UBTD2: variants seen among roughly 807,000 people sequenced by gnomAD.
The protein encoded by UBTD2 is ubiquitin domain containing 2, also known as ubiquitin domain-containing protein 2.
UBTD2 carries 9 observed loss-of-function variants against 19.8 expected under a neutral mutation model. That is an observed-to-expected ratio of 0.46 (90% confidence interval 0.27 to 0.79). UBTD2 has a LOEUF of 0.79. UBTD2 is among the 30% of genes least tolerant of loss of function. The probability of loss-of-function intolerance (pLI) is 0.14; values close to 1 mark genes in which losing one functional copy is unlikely to be tolerated. For missense variants in UBTD2, 250 were observed against 300.4 expected (o/e 0.83, Z 1.24); for synonymous variants, 98 against 103.9 (o/e 0.94, Z 0.35).
At chr5:172,219,445 C>A (rs1370236290) in intron 2 of UBTD2, among the ~76,000 whole-genome samples, 1 of 152,174 alleles carries the variant, frequency 6.6e-6, no homozygotes, top group Non-Finnish European at 1.5e-5. Flanking sequence ...TGGCCTGGGA[C>A]ATGAATCAAC....
At position 172,232,511 on chromosome 5, in the gene UBTD2, G is replaced by A. The variant is rs371912662; in HGVS notation, c.307+1611C>T. 5.3e-5 allele frequency among the ~76,000 whole-genome samples: 8 copies of A among 152,182 alleles called. No individual in the cohort carries two copies. In the South Asian group the frequency reaches 1.7e-3, roughly 32 times the overall value. On this transcript the variant is annotated intron_variant, in intron 2 of 2. Transcript: ENST00000393792. ...TAAAAAAAAGGAATGTTTCTTGGAA[G>A]CACAATTAATCAGAAAACTAATGGT...
chr5:172,247,639 A>G (rs1754907176), intron 1 of UBTD2, among the ~76,000 whole-genome samples: 2 of 152,236 alleles, frequency 1.3e-5, no homozygotes, highest in South Asian at 4.1e-4. Context: ...TAAAGTGTCA[A>G]TTCATCAGAA....
At chr5:172,219,356 A>C (rs1771608952) in intron 2 of UBTD2, among the ~76,000 whole-genome samples, 1 of 152,234 alleles carries the variant, frequency 6.6e-6, no homozygotes, top group African/African-American at 2.4e-5. Flanking sequence ...GGAAAAATCC[A>C]GAATCACACA....
intron 1 of UBTD2, among the ~76,000 whole-genome samples, chr5:172,267,465 T>C (rs561565701): frequency 9.3e-4 from 141 of 152,236 alleles, no homozygotes; most frequent in Admixed American, 3.0e-3. Flanking sequence ...ATTAACACAG[T>C]ACATGGATGT....
Position 172,234,229 on chromosome 5 carries a change from C to T in UBTD2, c.200G>A (p.Arg67Gln), listed in dbSNP as rs141168976. The T allele has an allele frequency of 5.0e-6, 8 of 1,614,150 alleles. No individual in the cohort carries two copies. Among genetic ancestry groups the T allele is most frequent in the Admixed American group, 3.3e-5 (2 of 60,020 alleles). Residue 67 changes from arginine (R) to glutamine (Q), a missense_variant, in exon 2 of 3, where the codon CGG becomes CAG. Physicochemically the swap from Arg to Gln is conservative, Grantham distance 43. Coordinates refer to ENST00000393792, the MANE Select transcript of UBTD2 (RefSeq NM_152277.3). ...FWDTAPAFEG[R>Q]KEIWDALKAA... ...CTTCAAGGCATCCCAAATCTCTTTC[C>T]GGCCTTCAAAAGCTGGTGCTGTATC...
chr5:172,253,210 A>G (rs1010061465), intron 1 of UBTD2, among the ~76,000 whole-genome samples: 4 of 151,952 alleles, frequency 2.6e-5, no homozygotes, highest in African/African-American at 9.7e-5. Context: ...CTATTTTTAA[A>G]TTTTATCTAT....
In UBTD2 at chr5:172,283,503, G is replaced by C. The variant is rs1056966556; in HGVS notation, c.70+93C>G. 1 of 1,005,118 alleles carries C rather than the reference G, an allele frequency of 9.9e-7. No homozygotes were observed. The highest frequency in any genetic ancestry group is 4.3e-5 in the South Asian group (1 of 23,382). 62.3% of individuals were successfully genotyped at this position (1,005,118 alleles called of 1,614,324 possible). On this transcript the variant is annotated intron_variant, in intron 1 of 2. Coordinates refer to ENST00000393792, the MANE Select transcript of UBTD2 (RefSeq NM_152277.3). This position sits in a 1 kb window ranked among gnomAD's most constrained non-coding sequence, Gnocchi z 4.3. ...GGAAGAGGGGATGACAAAGGGGCGCGGGGGCCCGGCGCGGCCCGCGGGGGT... is the reference window on the plus strand; with the variant it reads ...GGAAGAGGGGATGACAAAGGGGCGCCGGGGCCCGGCGCGGCCCGCGGGGGT...
intron 1 of UBTD2, among the ~76,000 whole-genome samples, chr5:172,269,739 T>TA (rs376285062): frequency 0.32 from 36,996 of 114,020 alleles, 6,123 homozygotes; most frequent in African/African-American, 0.46. Context: ...CATGTGCATG[T>TA]AAAAAAAAAA....
chr5:172,225,795 C>T (rs549405235), intron 2 of UBTD2, among the ~76,000 whole-genome samples: 45 of 152,234 alleles, frequency 3.0e-4, no homozygotes, highest in Middle Eastern at 3.4e-3. Flanking sequence ...GTACAGAAAA[C>T]CATCCTCCCA....
chr5:172,277,692 C>T (rs924322323), intron 1 of UBTD2, among the ~76,000 whole-genome samples: 2 of 151,036 alleles, frequency 1.3e-5, no homozygotes, highest in African/African-American at 2.4e-5. Context: ...GGTAACAGAG[C>T]GAGACTCTAT....
At chr5:172,254,261 G>A (rs1329481251) in intron 1 of UBTD2, among the ~76,000 whole-genome samples, 6 of 151,888 alleles carry the variant, frequency 4.0e-5, no homozygotes, top group Admixed American at 2.6e-4. Context: ...CACCACGCCC[G>A]GTTAATTTTT....
intron 2 of UBTD2, among the ~76,000 whole-genome samples, chr5:172,214,189 G>A (rs559786808): frequency 1.3e-5 from 2 of 152,344 alleles, no homozygotes; most frequent in East Asian, 1.9e-4. Context: ...AAACCAAAAT[G>A]TCTACCAAAT....
Position 172,269,490 on chromosome 5 carries a change from CAAAAAAAAA to C in UBTD2, c.70+14097_70+14105del, listed in dbSNP as rs373193759. Among the ~76,000 whole-genome samples, 4 of 73,222 alleles carry C rather than the reference CAAAAAAAAA, an allele frequency of 5.5e-5. No individual in the cohort carries two copies. In the Admixed American group the frequency reaches 6.2e-4, roughly 11 times the overall value. The allele number at this position is 73,222 out of a possible 152,430, so 48.0% of individuals were successfully genotyped here. On this transcript the variant is annotated intron_variant, in intron 1 of 2. Transcript: ENST00000393792. ...TGGGCAACAGAGTGAGGCCCTGTCT[CAAAAAAAAA>C]AAAAAAAATTAAGTTTGAAAAAAAG...
At chr5:172,261,481 C>T (rs966559556) in intron 1 of UBTD2, among the ~76,000 whole-genome samples, 2 of 152,146 alleles carry the variant, frequency 1.3e-5, no homozygotes, top group African/African-American at 2.4e-5. Flanking sequence ...TGAAAACATT[C>T]GGTCTGGGAT....
chr5:172,265,044 C>T (rs764760155), intron 1 of UBTD2, among the ~76,000 whole-genome samples: 7 of 152,196 alleles, frequency 4.6e-5, no homozygotes, highest in Admixed American at 6.5e-5. Flanking sequence ...AACCTAAGTC[C>T]ACTGGGCTGA....
intron 2 of UBTD2, among the ~76,000 whole-genome samples, chr5:172,229,426 G>A (rs4498265): frequency 0.091 from 13,515 of 149,246 alleles, 671 homozygotes; most frequent in South Asian, 0.15. Flanking sequence ...GCGTGAACCC[G>A]GGAGGTGGAG....
chr5:172,240,683 G>T (rs1772109897), intron 1 of UBTD2, among the ~76,000 whole-genome samples: 1 of 151,732 alleles, frequency 6.6e-6, no homozygotes, highest in Non-Finnish European at 1.5e-5. Flanking sequence ...TTTCTTAATG[G>T]GTCAGTCTTA....
chr5:172,228,549 G>A (rs1046846443), intron 2 of UBTD2, among the ~76,000 whole-genome samples: 22 of 151,768 alleles, frequency 1.4e-4, no homozygotes, highest in East Asian at 1.9e-4. Flanking sequence ...GGTGAAACCC[G>A]GTCTCTACTA....
chr5:172,269,401 G>C (rs925671319), intron 1 of UBTD2, among the ~76,000 whole-genome samples: 3 of 149,402 alleles, frequency 2.0e-5, no homozygotes, highest in East Asian at 2.0e-4. Context: ...CGAGGCAGGA[G>C]AATCACTTGA....
Sources: allele counts gnomAD v4.1 joint callset (sites outside exome capture counted in the v4.1 genomes callset), GRCh38; gene constraint gnomAD v4.1.1; non-coding constraint Gnocchi (gnomAD v3.1); transcripts MANE v1.5; gene names NCBI Gene and HGNC (gene_info 2026-07-23, HGNC 2026-07-21).